CNRIP1: variants seen among roughly 807,000 people sequenced by gnomAD.
The protein encoded by CNRIP1 is CB1 cannabinoid receptor-interacting protein 1.
Under a neutral mutation model 15.2 loss-of-function variants are expected in CNRIP1, and 10 were observed. The ratio of observed to expected loss-of-function variants is 0.66; its 90% CI spans 0.41 to 1.12. CNRIP1 has a LOEUF of 1.12. CNRIP1 is among the 50% of genes most tolerant of loss of function. The pLI is 0.00. For missense variants in CNRIP1, 211 were observed against 214.7 expected (o/e 0.98, Z 0.11); for synonymous variants, 91 against 83.2 (o/e 1.09, Z -0.51).
Position 68,319,260 on chromosome 2 carries a change from C to A in CNRIP1, c.141G>T (p.Lys47Asn). ...TGCTGGGTTTAATCTTCACCTCAAC[C>A]TTGTAGGAGGAGCCGGTGAGCAGCT... ...TIKLLTGSSYKVEVKIKPSTL... is the reference protein window; with the variant it reads ...TIKLLTGSSYNVEVKIKPSTL... Residue 47 changes from lysine to asparagine, a missense_variant, in exon 1 of 3, where the codon AAG becomes AAT. Physicochemically the swap from Lys to Asn is moderately conservative, Grantham distance 94. Transcript: ENST00000263655. 1 of 1,550,146 alleles carries A rather than the reference C, an allele frequency of 6.5e-7. No homozygotes were observed. The highest frequency in any genetic ancestry group is 8.7e-7 in the Non-Finnish European group (1 of 1,146,924).
chr2:68,304,603 T>C (rs2103654531), intron 2 of CNRIP1, among the ~76,000 whole-genome samples: 1 of 148,850 alleles, frequency 6.7e-6, no homozygotes, highest in South Asian at 2.2e-4. Context: ...AGGTTTTGGT[T>C]TGAGCACTGG....
intron 2 of CNRIP1, chr2:68,315,979 C>T (rs911258955): frequency 6.6e-6 from 1 of 152,204 alleles, no homozygotes; most frequent in Non-Finnish European, 1.5e-5. Context: ...AGGAATTATA[C>T]ATTTCCCTCA....
At chr2:68,306,050 C>T (rs1671829009) in intron 2 of CNRIP1, among the ~76,000 whole-genome samples, 1 of 138,926 alleles carries the variant, frequency 7.2e-6, no homozygotes, top group Non-Finnish European at 1.5e-5. Context: ...GGATCAGTTG[C>T]CAGAGGTCAA....
intron 2 of CNRIP1, among the ~76,000 whole-genome samples, chr2:68,306,605 A>T (rs533718573): frequency 1.7e-4 from 26 of 151,978 alleles, no homozygotes; most frequent in Non-Finnish European, 3.1e-4. Flanking sequence ...ATGTGGTGAA[A>T]CCCTGTCTCT....
downstream of CNRIP1, among the ~76,000 whole-genome samples, chr2:68,289,783 CCTTT>C (rs1299239424): frequency 2.0e-5 from 3 of 151,872 alleles, no homozygotes; most frequent in Non-Finnish European, 4.4e-5. Flanking sequence ...GCCCAGGCTC[CCTTT>C]CTTTTTTAAT....
chr2:68,284,407 G>T, exon 3 of CNRIP1: 2 of 1,459,442 alleles, frequency 1.4e-6, no homozygotes, highest in South Asian at 1.4e-5. Context: ...TCCTCATGAT[G>T]GCACACATTG....
chr2:68,307,379 T>C (rs925995007), intron 2 of CNRIP1, among the ~76,000 whole-genome samples: 8 of 152,212 alleles, frequency 5.3e-5, no homozygotes, highest in African/African-American at 1.9e-4. Context: ...TGGAGTATAG[T>C]GGTTTGATCA....
At chr2:68,317,906 G>T (rs1263470681) in intron 1 of CNRIP1, among the ~76,000 whole-genome samples, 1 of 151,958 alleles carries the variant, frequency 6.6e-6, no homozygotes, top group Non-Finnish European at 1.5e-5. Flanking sequence ...AGAACCACAG[G>T]ATTAGAGTTG....
At chr2:68,288,566 A>G (rs373015799), downstream of CNRIP1, among the ~76,000 whole-genome samples, 1 of 152,326 alleles carries the variant, frequency 6.6e-6, no homozygotes, top group Middle Eastern at 3.4e-3. Context: ...GTTAAGGAAA[A>G]ATTTTAGTCT....
rs1672289455 is a variant in CNRIP1, at chr2:68,316,827, G to C, written c.330+330C>G. Reference sequence around the variant, plus strand: ...TTAACCAGAATATTGTGGCCTACTTGGAATCAGAAACTTTTCACAGCCAAT... The same window carrying C: ...TTAACCAGAATATTGTGGCCTACTTCGAATCAGAAACTTTTCACAGCCAAT... On this transcript the variant is annotated intron_variant, in intron 2 of 2. Transcript: ENST00000263655. 5.4e-6 allele frequency: 3 copies of C among 552,270 alleles called. No individual in the cohort carries two copies. In the Admixed American group the frequency reaches 1.0e-4, roughly 19 times the overall value. The allele number at this position is 552,270 out of a possible 1,614,324, so 34.2% of individuals were successfully genotyped here. A position where few individuals can be genotyped will look rare whatever the true frequency, so the allele number is the denominator to read the frequency against.
chr2:68,311,296 C>T (rs1227434962), intron 2 of CNRIP1, among the ~76,000 whole-genome samples: 1 of 151,278 alleles, frequency 6.6e-6, no homozygotes, highest in Non-Finnish European at 1.5e-5. Context: ...ATGTATTATA[C>T]TTAAGTTAAA....
Position 68,319,534 on chromosome 2 carries a change from T to A in CNRIP1, c.-134A>T. ...GAGGTGGTGGAGCTGAGGCTGCCGC[T>A]AGGAACCCGCGCCGTCGCCGCCGTC... On this transcript the variant is annotated 5_prime_UTR_variant, in exon 1 of 3. An upstream open reading frame in the 5' UTR loses its in-frame stop. Coordinates refer to ENST00000263655, the MANE Select transcript of CNRIP1 (RefSeq NM_015463.3). 2.1e-6 allele frequency: 2 copies of A among 951,112 alleles called. No individual in the cohort carries two copies. The highest frequency in any genetic ancestry group is 3.0e-5 in the East Asian group (1 of 32,864). 58.9% of individuals were successfully genotyped at this position (951,112 alleles called of 1,614,324 possible). A position where few individuals can be genotyped will look rare whatever the true frequency, so the allele number is the denominator to read the frequency against.
chr2:68,307,241 GTATT>G (rs1236511654), intron 2 of CNRIP1, among the ~76,000 whole-genome samples: 1 of 152,108 alleles, frequency 6.6e-6, no homozygotes, highest in Non-Finnish European at 1.5e-5. Context: ...ACAATTGTAT[GTATT>G]GTCTAACTAC....
chr2:68,288,120 G>A (rs564066286), downstream of CNRIP1, among the ~76,000 whole-genome samples: 4 of 151,784 alleles, frequency 2.6e-5, no homozygotes, highest in South Asian at 8.3e-4. Flanking sequence ...TCACCTTTTT[G>A]TTGAGTCAGC....
intron 2 of CNRIP1, among the ~76,000 whole-genome samples, chr2:68,305,808 AAC>A (rs1553415559): frequency 2.8e-5 from 4 of 144,044 alleles, no homozygotes; most frequent in Non-Finnish European, 4.5e-5. Flanking sequence ...AAAAAAAAAA[AAC>A]ACACACACAC....
intron 2 of CNRIP1, among the ~76,000 whole-genome samples, chr2:68,305,657 A>G (rs545084908): frequency 7.8e-4 from 118 of 151,926 alleles, no homozygotes; most frequent in African/African-American, 2.3e-3. Flanking sequence ...TTAGCTGGGC[A>G]TGGTGGCGAG....
At chr2:68,302,104 T>A (rs187548393) in intron 2 of CNRIP1, among the ~76,000 whole-genome samples, 1 of 152,244 alleles carries the variant, frequency 6.6e-6, no homozygotes, top group East Asian at 1.9e-4. Flanking sequence ...GATAAAACCA[T>A]TTTTCATATA....
In CNRIP1 at chr2:68,293,646, G is replaced by A; in HGVS notation, c.*216C>T. On this transcript the variant is annotated 3_prime_UTR_variant, in exon 3 of 3. Coordinates refer to ENST00000263655, the MANE Select transcript of CNRIP1 (RefSeq NM_015463.3). Reference sequence around the variant, plus strand: ...TGCAGGAACATCAGCACAAAATACAGATGGGAATATTCTCGGGAGTGGTAC... The same window carrying A: ...TGCAGGAACATCAGCACAAAATACAAATGGGAATATTCTCGGGAGTGGTAC... The A allele has an allele frequency of 7.9e-7, 1 of 1,262,606 alleles. No individual in the cohort carries two copies. Among genetic ancestry groups the A allele is most frequent in the South Asian group, 2.4e-5 (1 of 41,370 alleles). 78.2% of individuals were successfully genotyped at this position (1,262,606 alleles called of 1,614,324 possible).
intron 2 of CNRIP1, among the ~76,000 whole-genome samples, chr2:68,287,954 T>C (rs1026718485): frequency 1.3e-5 from 2 of 152,164 alleles, no homozygotes; most frequent in African/African-American, 4.8e-5. Context: ...TCAGAAACTT[T>C]TTTCTTTCTC....
Sources: gnomAD v4.1 joint callset for allele counts (sites outside exome capture counted in the v4.1 genomes callset) on GRCh38, gnomAD v4.1.1 for gene constraint, MANE v1.5 for transcripts, NCBI Gene and HGNC (gene_info 2026-07-23, HGNC 2026-07-21) for gene names.